TBC1D31: variants seen among roughly 807,000 people sequenced by gnomAD.
TBC1D31 encodes the protein WD repeat domain 67.
Under a neutral mutation model 132.9 loss-of-function variants are expected in TBC1D31, and 99 were observed. The ratio of observed to expected loss-of-function variants is 0.74; its 90% CI spans 0.63 to 0.88. TBC1D31 has a LOEUF of 0.88. TBC1D31 is among the 40% of genes least tolerant of loss of function. TBC1D31 has a pLI of 0.00. For synonymous variants in TBC1D31, 385 were observed against 419.4 expected (o/e 0.92, Z 1.00); for missense variants, 1,134 against 1,256.6 (o/e 0.90, Z 1.48).
intron 10 of TBC1D31, 54 bp downstream of exon 10, chr8:123,109,674 A>G: frequency 7.0e-7 from 1 of 1,435,248 alleles, no homozygotes; most frequent in Non-Finnish European, 9.5e-7. Flanking sequence ...AATAATTGCA[A>G]TGTTATAAAA....
At chr8:123,088,024 A>C (rs1180484885) in intron 4 of TBC1D31, among the ~76,000 whole-genome samples, 1 of 152,216 alleles carries the variant, frequency 6.6e-6, no homozygotes, top group Admixed American at 6.5e-5. Flanking sequence ...CCTCATCTCT[A>C]TTAAAAATAC....
rs1160750679 is a variant in TBC1D31, at chr8:123,141,844, CTTTTTTTTTTTTTTTTTTTT to C, written c.2641-406_2641-387del. 2.7e-3 allele frequency among the ~76,000 whole-genome samples: 141 copies of C among 52,084 alleles called. 4 individuals carry two copies. In the East Asian group the frequency reaches 0.066, roughly 24 times the overall value. 34.2% of individuals were successfully genotyped at this position (52,084 alleles called of 152,430 possible). A position where few individuals can be genotyped will look rare whatever the true frequency, so the allele number is the denominator to read the frequency against. On this transcript the variant is annotated intron_variant, in intron 18 of 21. Transcript: ENST00000287380. The stretch of plus-strand genomic sequence containing the variant: ...GTAAATTAGAGTCACTTGAAGAGCT[CTTTTTTTTTTTTTTTTTTTT>C]TTTTTTTTTTTGTAGAGATGGAGTC...
At chr8:123,146,083 T>C (rs942125448) in intron 20 of TBC1D31, among the ~76,000 whole-genome samples, 1 of 152,180 alleles carries the variant, frequency 6.6e-6, no homozygotes, top group African/African-American at 2.4e-5. Context: ...TTGGCCATGC[T>C]GGTCTCGAAC....
At chr8:123,112,909 C>T (rs1378712611) in intron 10 of TBC1D31, among the ~76,000 whole-genome samples, 5 of 152,154 alleles carry the variant, frequency 3.3e-5, no homozygotes, top group African/African-American at 9.7e-5. Context: ...ACAGTTCAGA[C>T]GTTTGTCAGA....
intron 16 of TBC1D31, among the ~76,000 whole-genome samples, chr8:123,133,788 C>G (rs1047315835): frequency 3.3e-5 from 5 of 152,164 alleles, no homozygotes; most frequent in Admixed American, 3.3e-4. Context: ...TTTTTATCTA[C>G]CCCAGATTTA....
Position 123,125,950 on chromosome 8 carries a change from A to G in TBC1D31, c.1571-106A>G, listed in dbSNP as rs116469293. The stretch of plus-strand genomic sequence containing the variant: ...TATAAAGAGTTTTTTTTTATTATTC[A>G]TGGACATATTGAGAACATAAAGATT... On this transcript the variant is annotated intron_variant, in intron 11 of 21. Transcript: ENST00000287380. 2,193 of 764,006 alleles carry G rather than the reference A, an allele frequency of 2.9e-3. 42 individuals carry two copies. The African/African-American group carries it at 0.035, about 12-fold the overall frequency. 47.3% of individuals were successfully genotyped at this position (764,006 alleles called of 1,614,324 possible).
At chr8:123,099,367 G>A (rs570712192) in intron 6 of TBC1D31, among the ~76,000 whole-genome samples, 250 of 152,238 alleles carry the variant, frequency 1.6e-3, no homozygotes, top group African/African-American at 5.2e-3. Flanking sequence ...TGATCCGCCC[G>A]TGTCGGCCTC....
intron 4 of TBC1D31, among the ~76,000 whole-genome samples, chr8:123,084,673 G>T (rs537291275): frequency 6.6e-6 from 1 of 152,066 alleles, no homozygotes; most frequent in African/African-American, 2.4e-5. Flanking sequence ...TTTTGAACAC[G>T]TGTACATTCA....
intron 11 of TBC1D31, among the ~76,000 whole-genome samples, chr8:123,124,215 T>C (rs1032713972): frequency 6.6e-6 from 1 of 152,240 alleles, no homozygotes; most frequent in Non-Finnish European, 1.5e-5. Context: ...GTAGTCTAGT[T>C]GGGACTTAGA....
intron 10 of TBC1D31, among the ~76,000 whole-genome samples, chr8:123,111,278 A>G (rs1054674966): frequency 2.0e-5 from 3 of 152,200 alleles, no homozygotes; most frequent in Admixed American, 6.5e-5. Flanking sequence ...TGATAATATA[A>G]TTCTGTTCCT....
downstream of TBC1D31, among the ~76,000 whole-genome samples, chr8:123,156,167 G>A (rs375605984): frequency 6.6e-6 from 1 of 152,310 alleles, no homozygotes; most frequent in African/African-American, 2.4e-5. Flanking sequence ...GGGGCCGGGC[G>A]TGGTGGCTCA....
chr8:123,104,019 T>G (rs1817691587), intron 7 of TBC1D31: 1 of 152,200 alleles, frequency 6.6e-6, no homozygotes, highest in African/African-American at 2.4e-5. Context: ...TTTCTGGTAT[T>G]GTGGTAATAG....
intron 19 of TBC1D31, among the ~76,000 whole-genome samples, chr8:123,144,169 CTTT>C (rs1213141661): frequency 6.6e-6 from 1 of 152,062 alleles, no homozygotes; most frequent in Non-Finnish European, 1.5e-5. Flanking sequence ...TTTCGGCAAA[CTTT>C]AGGAGTTGGA....
rs1374474866 is a variant in TBC1D31, at chr8:123,077,094, GT to G, written c.78-10del. The stretch of plus-strand genomic sequence containing the variant: ...TACGTGACATAGATTCAATGTTTGG[GT>G]TTTTTTCTTTGACAGAATTATAGTG... On this transcript the variant is annotated splice_polypyrimidine_tract_variant and intron_variant, in intron 1 of 21. Coordinates refer to ENST00000287380, the MANE Select transcript of TBC1D31 (RefSeq NM_145647.4). 7.7e-6 allele frequency: 12 copies of G among 1,563,048 alleles called. No homozygotes were observed. The highest frequency in any genetic ancestry group is 2.3e-5 in the East Asian group (1 of 42,568).
chr8:123,165,054 C>A, the TBC1D31 span, among the ~76,000 whole-genome samples: 1 of 152,094 alleles, frequency 6.6e-6, no homozygotes, highest in African/African-American at 2.4e-5. Context: ...ATAAGGAGAC[C>A]CAGGAGGAAG....
chr8:123,073,454 A>G (rs1192267706), intron 1 of TBC1D31: 3 of 455,108 alleles, frequency 6.6e-6, no homozygotes, highest in East Asian at 7.0e-5. Flanking sequence ...TGGGGCGTTC[A>G]TTATGCATTG....
chr8:123,102,778 A>C (rs1817568040), intron 7 of TBC1D31: 1 of 153,434 alleles, frequency 6.5e-6, no homozygotes, highest in Non-Finnish European at 1.4e-5. Context: ...TAGTGTAAAC[A>C]AGTATCCTTT....
chr8:123,084,729 CTACTT>C (rs1416586636), intron 4 of TBC1D31, among the ~76,000 whole-genome samples: 1 of 151,788 alleles, frequency 6.6e-6, no homozygotes, highest in South Asian at 2.1e-4. Context: ...ATCCTTTACT[CTACTT>C]TACATGGTAC....
intron 10 of TBC1D31, among the ~76,000 whole-genome samples, chr8:123,115,758 G>A (rs905047622): frequency 7.2e-5 from 11 of 152,182 alleles, no homozygotes; most frequent in South Asian, 4.1e-4. Flanking sequence ...CCATTCCTCT[G>A]TAGTCGTATC....
Sources: gnomAD v4.1 joint callset for allele counts (sites outside exome capture counted in the v4.1 genomes callset) on GRCh38, gnomAD v4.1.1 for gene constraint, MANE v1.5 for transcripts, NCBI Gene and HGNC (gene_info 2026-07-23, HGNC 2026-07-21) for gene names.